Variants in ZBTB38 observed in about 807,000 individuals in gnomAD.
ZBTB38 encodes zinc finger and BTB domain containing 38.
ZBTB38 carries 20 observed loss-of-function variants against 76.8 expected under a neutral mutation model. The observed-to-expected ratio is 0.26, with a 90% CI of 0.18 to 0.38. The LOEUF (loss-of-function observed/expected upper bound fraction) is 0.38. Ranked by LOEUF, ZBTB38 falls within the 10% of genes least tolerant of loss-of-function variation. ZBTB38 has a pLI of 1.00. For missense variants in ZBTB38, 1,082 were observed against 1,482.3 expected, an observed-to-expected ratio of 0.73 and a Z score of 4.43; for synonymous variants, 504 against 544.2, an observed-to-expected ratio of 0.93 and a Z score of 1.03.
intron 2 of ZBTB38, among the ~76,000 whole-genome samples, chr3:141,372,333 G>C (rs1171779920): frequency 6.6e-6 from 1 of 152,094 alleles, no homozygotes; most frequent in Non-Finnish European, 1.5e-5. Context: ...AGCTGGCTGG[G>C]CTAGTGGTAT....
At chr3:141,431,867 T>C (rs2077695946) in intron 5 of ZBTB38, 1 of 153,958 alleles carries the variant, frequency 6.5e-6, no homozygotes, top group South Asian at 2.1e-4. Context: ...TTAAGTGCAG[T>C]AAAATCTGAT....
At chr3:141,374,851 T>C (rs1281522919) in intron 2 of ZBTB38, among the ~76,000 whole-genome samples, 5 of 152,218 alleles carry the variant, frequency 3.3e-5, no homozygotes, top group African/African-American at 7.2e-5. Context: ...AAGTTTCTAA[T>C]GCATATTGGT....
rs755947255 is a variant in ZBTB38 at position 141,448,373 on chromosome 3, C to T, written c.*2397C>T. On this transcript the variant is annotated 3_prime_UTR_variant, in exon 6 of 6. Transcript: ENST00000321464. Reference sequence around the variant, plus strand: ...GGGTGTATATTTTGATAAAAAAATACTTGACTTTGTAATTCTGTATATTCT... The same window carrying T: ...GGGTGTATATTTTGATAAAAAAATATTTGACTTTGTAATTCTGTATATTCT... 6.6e-6 allele frequency: 1 copy of T among 152,632 alleles called. No homozygotes were observed. The highest frequency in any genetic ancestry group is 2.4e-5 in the African/African-American group (1 of 41,544). The allele number at this position is 152,632 out of a possible 1,614,324, so 9.5% of individuals were successfully genotyped here.
At chr3:141,414,059 A>G (rs1057376786) in intron 5 of ZBTB38, among the ~76,000 whole-genome samples, 29 of 152,364 alleles carry the variant, frequency 1.9e-4, no homozygotes, top group African/African-American at 6.7e-4. Flanking sequence ...CAGTACAGAG[A>G]TTAAAATTTC....
At chr3:141,398,283 G>A (rs897471757) in intron 4 of ZBTB38, among the ~76,000 whole-genome samples, 1 of 152,128 alleles carries the variant, frequency 6.6e-6, no homozygotes, top group African/African-American at 2.4e-5. Context: ...TTAGTTGAAT[G>A]AGTCGCCAAT....
chr3:141,385,875 A>C (rs1306946496), intron 3 of ZBTB38: 1 of 152,058 alleles, frequency 6.6e-6, no homozygotes, highest in African/African-American at 2.4e-5. Context: ...GATGACATGA[A>C]ATTTGGTGTT....
chr3:141,350,023 G>T (rs1198269711), intron 1 of ZBTB38, among the ~76,000 whole-genome samples: 2 of 152,096 alleles, frequency 1.3e-5, no homozygotes, highest in Admixed American at 6.6e-5. Context: ...AGGACAAAAA[G>T]ATAGAAATCA....
chr3:141,442,678 T>C lies in ZBTB38; in HGVS notation c.290T>C (p.Val97Ala), dbSNP rs1328143731. 7 of 1,614,106 alleles carry C rather than the reference T, an allele frequency of 4.3e-6. No homozygotes were observed. Among genetic ancestry groups the C allele is most frequent in the Non-Finnish European group, 5.9e-6 (7 of 1,180,042 alleles). ...AATTATATCTACAGTTCCACAGTCGTTGTCAAGAGACAGGAAACAGTCACT... is the reference window on the plus strand; with the variant it reads ...AATTATATCTACAGTTCCACAGTCGCTGTCAAGAGACAGGAAACAGTCACT... ...ILNYIYSSTV[V>A]VKRQETVTDL... Residue 97 changes from valine to alanine, a missense_variant, in exon 6 of 6, where the codon GTT becomes GCT. By Grantham distance (64) the Val-to-Ala change is moderately conservative (BLOSUM62 0). Coordinates refer to ENST00000321464, the MANE Select transcript of ZBTB38 (RefSeq NM_001376113.1). The surrounding 1 kb of genome is among the most constrained non-coding windows in gnomAD (Gnocchi z 6.4).
intron 1 of ZBTB38, among the ~76,000 whole-genome samples, chr3:141,337,306 C>T (rs1250686274): frequency 1.3e-5 from 2 of 152,158 alleles, no homozygotes; most frequent in Admixed American, 6.5e-5. Flanking sequence ...ATCCTACAGC[C>T]GAGTAATATG....
chr3:141,354,672 C>T (rs1004249880), intron 1 of ZBTB38, among the ~76,000 whole-genome samples: 1 of 152,110 alleles, frequency 6.6e-6, no homozygotes, highest in Non-Finnish European at 1.5e-5. Flanking sequence ...GCAGGCAGTA[C>T]CTTCCTCCTG....
At chr3:141,363,049 A>G (rs936654708) in intron 1 of ZBTB38, among the ~76,000 whole-genome samples, 1 of 152,216 alleles carries the variant, frequency 6.6e-6, no homozygotes. Context: ...ACCTTACATT[A>G]CATGCAGCTA....
intron 5 of ZBTB38, among the ~76,000 whole-genome samples, chr3:141,416,231 T>C (rs2074017736): frequency 6.6e-6 from 1 of 152,224 alleles, no homozygotes; most frequent in South Asian, 2.1e-4. Context: ...CAGCTTCATA[T>C]TACATTAATC....
intron 1 of ZBTB38, among the ~76,000 whole-genome samples, chr3:141,355,571 G>T (rs1434191971): frequency 6.6e-6 from 1 of 152,022 alleles, no homozygotes; most frequent in African/African-American, 2.4e-5. Context: ...CCCTACTCCG[G>T]CTCTCAAAGT....
At chr3:141,330,861 T>G (rs1942828000) in intron 1 of ZBTB38, among the ~76,000 whole-genome samples, 1 of 152,188 alleles carries the variant, frequency 6.6e-6, no homozygotes, top group Non-Finnish European at 1.5e-5. Flanking sequence ...ACCCCAGGAC[T>G]CTGCAGAGAG....
At chr3:141,361,294 C>T (rs1191474447) in intron 1 of ZBTB38, among the ~76,000 whole-genome samples, 1 of 151,988 alleles carries the variant, frequency 6.6e-6, no homozygotes, top group African/African-American at 2.4e-5. Flanking sequence ...GTAAGGTAGT[C>T]AGATGAATCA....
At chr3:141,366,301 C>T (rs1576689863), upstream of ZBTB38, 1 of 152,128 alleles carries the variant, frequency 6.6e-6, no homozygotes, top group East Asian at 1.9e-4. Context: ...AAATAAATAC[C>T]TGTGTATATG....
intron 5 of ZBTB38, among the ~76,000 whole-genome samples, chr3:141,428,584 T>G (rs2076836900): frequency 6.6e-6 from 1 of 151,936 alleles, no homozygotes; most frequent in Non-Finnish European, 1.5e-5. Context: ...ACCTCCGGGG[T>G]TCAAGCGATT....
chr3:141,384,255 C>T (rs1195691909), intron 3 of ZBTB38, among the ~76,000 whole-genome samples: 2 of 152,188 alleles, frequency 1.3e-5, no homozygotes, highest in Non-Finnish European at 2.9e-5. Context: ...TTACAAGTAC[C>T]AGTAGGGGAC....
chr3:141,367,275 C>T (rs1013789031), upstream of ZBTB38: 2 of 152,274 alleles, frequency 1.3e-5, no homozygotes, highest in African/African-American at 4.8e-5. Flanking sequence ...TACTCTGTAC[C>T]CCGTGGCTCT....
Sources: allele counts gnomAD v4.1 joint callset (sites outside exome capture counted in the v4.1 genomes callset), GRCh38; gene constraint gnomAD v4.1.1; non-coding constraint Gnocchi (gnomAD v3.1); transcripts MANE v1.5; gene names NCBI Gene and HGNC (gene_info 2026-07-23, HGNC 2026-07-21).